ATP6V1B2: variants seen among roughly 807,000 people sequenced by gnomAD.
The protein encoded by ATP6V1B2 is ATPase H+ transporting V1 subunit B2.
A neutral mutation model predicts 66.7 loss-of-function variants in ATP6V1B2; 23 were observed. The observed-to-expected ratio is 0.34, with a 90% CI of 0.25 to 0.49. The LOEUF is 0.49. Ranked by LOEUF, ATP6V1B2 falls within the 20% of genes least tolerant of loss-of-function variation. The pLI is 0.99. For missense variants in ATP6V1B2, 478 were observed against 650.8 expected (o/e 0.73, Z 2.89); for synonymous variants, 278 against 236.7 (o/e 1.17, Z -1.60).
chr8:20,210,825 T>C (rs569754250), intron 5 of ATP6V1B2, among the ~76,000 whole-genome samples, 179 bp downstream of exon 5: 47 of 152,252 alleles, frequency 3.1e-4, no homozygotes, highest in Non-Finnish European at 5.4e-4. Flanking sequence ...CGTAAAATTT[T>C]ATGTATTAAT....
intron 3 of ATP6V1B2, 135 bp downstream of exon 3, chr8:20,209,666 A>C: frequency 1.2e-6 from 1 of 809,878 alleles, no homozygotes; most frequent in South Asian, 1.8e-5. Context: ...GCAGGGAAAG[A>C]AACTATTATT....
At chr8:20,200,426 T>G (rs1427751410) in intron 1 of ATP6V1B2, among the ~76,000 whole-genome samples, 1 of 152,202 alleles carries the variant, frequency 6.6e-6, no homozygotes, top group East Asian at 1.9e-4. Flanking sequence ...AACTTGCATT[T>G]AAACTCAAAA....
At position 20,216,505 on chromosome 8, in the gene ATP6V1B2, G is replaced by A. The variant is rs1242622540; in HGVS notation, c.1161+10G>A. On this transcript the variant is annotated intron_variant, in intron 11 of 13. Transcript: ENST00000276390. ...GCTGCACAACAGACAGGTACTGGAC[G>A]GGAGCAGTGCTGGGAAGCTTGCAGA... The A allele has an allele frequency of 1.2e-6, 2 of 1,610,678 alleles. No homozygotes were observed. The highest frequency in any genetic ancestry group is 4.5e-5 in the East Asian group (2 of 44,824).
Position 20,209,495 on chromosome 8 carries a change from A to G in ATP6V1B2, c.255A>G (p.Gln85=). 1 of 1,614,038 alleles carries G rather than the reference A, an allele frequency of 6.2e-7. No individual in the cohort carries two copies. The highest frequency in any genetic ancestry group is 1.1e-5 in the South Asian group (1 of 91,080). The change falls in exon 3 of 14, where the codon CAA becomes CAG. Residue 85 remains glutamine, a synonymous_variant. Coordinates refer to ENST00000276390, the MANE Select transcript of ATP6V1B2 (RefSeq NM_001693.4). ...TLPDGTKRSG[Q]VLEVSGSKAV... ...CGGATGGCACAAAGAGAAGTGGGCAAGTTCTGGAAGTTAGTGGTTCCAAGG... is the reference window on the plus strand; with the variant it reads ...CGGATGGCACAAAGAGAAGTGGGCAGGTTCTGGAAGTTAGTGGTTCCAAGG...
At chr8:20,212,747 G>T (rs769233232) in intron 8 of ATP6V1B2, 35 bp from the exon 9 acceptor site, 1 of 1,592,328 alleles carries the variant, frequency 6.3e-7, no homozygotes, top group Non-Finnish European at 8.5e-7. Flanking sequence ...TGGTCTTTTG[G>T]TTTGAGTGGC....
chr8:20,208,160 G>A (rs1183925774), intron 2 of ATP6V1B2, among the ~76,000 whole-genome samples: 1 of 152,206 alleles, frequency 6.6e-6, no homozygotes, highest in African/African-American at 2.4e-5. Flanking sequence ...GGCATGGCCT[G>A]TATGTGGCCC....
chr8:20,200,699 C>T (rs1167925029), intron 1 of ATP6V1B2, among the ~76,000 whole-genome samples: 1 of 152,172 alleles, frequency 6.6e-6, no homozygotes, highest in African/African-American at 2.4e-5. Context: ...ATTTGGTCAT[C>T]TCCATTTTTC....
chr8:20,214,653 A>T (rs1371178401), intron 9 of ATP6V1B2, 165 bp from the exon 10 acceptor site: 21 of 766,906 alleles, frequency 2.7e-5, no homozygotes, highest in Non-Finnish European at 3.6e-5. Context: ...GAATACTTTG[A>T]ATTTATGTTG....
intron 2 of ATP6V1B2, among the ~76,000 whole-genome samples, chr8:20,208,015 G>A (rs1231808104): frequency 6.6e-6 from 1 of 152,190 alleles, no homozygotes; most frequent in African/African-American, 2.4e-5. Context: ...AAATGATGCT[G>A]TTTTTATTAA....
intron 10 of ATP6V1B2, chr8:20,215,749 T>C (rs2072848190): frequency 6.6e-6 from 1 of 152,232 alleles, no homozygotes; most frequent in Non-Finnish European, 1.5e-5. Context: ...GTGAAAATGA[T>C]TTGTTCCAAG....
rs1377627817 is a variant in ATP6V1B2, at chr8:20,210,362, C to T, written c.308C>T (p.Ser103Leu). 2 of 1,612,770 alleles carry T rather than the reference C, an allele frequency of 1.2e-6. No individual in the cohort carries two copies. The highest frequency in any genetic ancestry group is 8.5e-7 in the Non-Finnish European group (1 of 1,179,376). ...TCTTGATAGGTATTTGAAGGGACTTCAGGTATAGATGCTAAGAAAACGTCC... is the reference window on the plus strand; with the variant it reads ...TCTTGATAGGTATTTGAAGGGACTTTAGGTATAGATGCTAAGAAAACGTCC... Reference protein sequence around the residue: ...KAVVQVFEGTSGIDAKKTSCE... With the variant: ...KAVVQVFEGTLGIDAKKTSCE... The change falls in exon 4 of 14, where the codon TCA (serine) becomes TTA (leucine). Residue 103 changes from serine (S) to leucine (L), a missense_variant. Ser to Leu is a moderately radical substitution (Grantham distance 145). This residue lies in a region of ATP6V1B2 where 326 missense variants were observed against 545.6 expected (regional missense o/e 0.60). Transcript: ENST00000276390.
At chr8:20,218,770 C>G (rs1029905840) in intron 13 of ATP6V1B2, among the ~76,000 whole-genome samples, 1 of 152,154 alleles carries the variant, frequency 6.6e-6, no homozygotes, top group Admixed American at 6.5e-5. Context: ...GCTGTGGGCT[C>G]TATGATGTGT....
intron 2 of ATP6V1B2, among the ~76,000 whole-genome samples, chr8:20,205,271 T>G (rs1474280178): frequency 2.6e-5 from 4 of 152,190 alleles, no homozygotes; most frequent in African/African-American, 9.7e-5. Context: ...TAAATATTAG[T>G]AAGTATATTA....
intron 1 of ATP6V1B2, among the ~76,000 whole-genome samples, chr8:20,199,718 C>G (rs2072665450): frequency 6.9e-6 from 1 of 144,908 alleles, no homozygotes; most frequent in African/African-American, 2.5e-5. Flanking sequence ...TCGAGCAATT[C>G]TCCTGCGTCA....
intron 9 of ATP6V1B2, 37 bp downstream of exon 9, chr8:20,212,942 T>C (rs2072810708): frequency 1.9e-6 from 3 of 1,611,350 alleles, no homozygotes; most frequent in Non-Finnish European, 2.5e-6. Flanking sequence ...TTAAACAAAA[T>C]TGGTTAATTT....
At chr8:20,201,146 G>C (rs1164872239) in intron 1 of ATP6V1B2, among the ~76,000 whole-genome samples, 1 of 152,128 alleles carries the variant, frequency 6.6e-6, no homozygotes, top group Admixed American at 6.5e-5. Context: ...AAGACATTTT[G>C]GTTGTAAAAT....
At chr8:20,198,272 G>C (rs1313025455) in intron 1 of ATP6V1B2, among the ~76,000 whole-genome samples, 1 of 152,178 alleles carries the variant, frequency 6.6e-6, no homozygotes, top group Non-Finnish European at 1.5e-5. Context: ...TTAAATTCTC[G>C]CTGGGCCTTT....
chr8:20,209,033 CCT>C (rs1447968249), intron 2 of ATP6V1B2, among the ~76,000 whole-genome samples: 3 of 152,058 alleles, frequency 2.0e-5, no homozygotes, highest in East Asian at 3.9e-4. Flanking sequence ...TTATTCTTCC[CCT>C]GTCAACCACA....
intron 1 of ATP6V1B2, among the ~76,000 whole-genome samples, chr8:20,198,436 C>T (rs1304371384): frequency 6.6e-6 from 1 of 152,158 alleles, no homozygotes; most frequent in African/African-American, 2.4e-5. Context: ...CCTTAATGAA[C>T]TAGGTTTAAG....
Sources: allele counts gnomAD v4.1 joint callset (sites outside exome capture counted in the v4.1 genomes callset), GRCh38; gene constraint gnomAD v4.1.1; regional missense constraint gnomAD v4.1.1; transcripts MANE v1.5; gene names NCBI Gene and HGNC (gene_info 2026-07-23, HGNC 2026-07-21).